BCKDHB: variants seen among roughly 807,000 people sequenced by gnomAD.
The protein encoded by BCKDHB is 2-oxoisovalerate dehydrogenase subunit beta, mitochondrial.
BCKDHB carries 41 observed loss-of-function variants against 48.5 expected under a neutral mutation model. The ratio of observed to expected loss-of-function variants is 0.85; its 90% confidence interval spans 0.66 to 1.10. The LOEUF is 1.10. Among genes scored for constraint, BCKDHB ranks in the 50% least tolerant of loss-of-function variants. BCKDHB has a pLI of 0.00. For missense variants in BCKDHB, 496 were observed against 494.2 expected (o/e 1.00, Z -0.03); for synonymous variants, 201 against 174.8 (o/e 1.15, Z -1.18).
At chr6:80,427,733 A>C in the BCKDHB span, among the ~76,000 whole-genome samples, 1 of 152,182 alleles carries the variant, frequency 6.6e-6, no homozygotes, top group Admixed American at 6.5e-5. Flanking sequence ...TACATACTAT[A>C]GAATTCTAGG....
chr6:80,213,201 A>G (rs1775018317), intron 8 of BCKDHB, among the ~76,000 whole-genome samples: 1 of 152,228 alleles, frequency 6.6e-6, no homozygotes, highest in African/African-American at 2.4e-5. Flanking sequence ...TATTCTATGA[A>G]TAAATACATT....
At chr6:80,113,884 A>G (rs1562056075) in intron 1 of BCKDHB, among the ~76,000 whole-genome samples, 1 of 152,222 alleles carries the variant, frequency 6.6e-6, no homozygotes, top group Non-Finnish European at 1.5e-5. Flanking sequence ...TTTACACCCT[A>G]TGCAAATGTC....
the BCKDHB span, among the ~76,000 whole-genome samples, chr6:80,397,733 T>C: frequency 6.6e-6 from 1 of 152,020 alleles, no homozygotes; most frequent in East Asian, 1.9e-4. Context: ...AATACAAAAA[T>C]TAGCCAGGCA....
the BCKDHB span, chr6:80,355,556 T>G: frequency 7.2e-5 from 11 of 152,244 alleles, no homozygotes; most frequent in African/African-American, 2.6e-4. Flanking sequence ...CCCTCCCTCC[T>G]AGCATAAAAA....
chr6:80,334,852 T>C (rs1769493249), intron 9 of BCKDHB, among the ~76,000 whole-genome samples: 1 of 151,930 alleles, frequency 6.6e-6, no homozygotes, highest in South Asian at 2.1e-4. Flanking sequence ...AAGATTACAA[T>C]TTGTAAAATA....
intron 9 of BCKDHB, among the ~76,000 whole-genome samples, chr6:80,319,484 ACAT>A (rs913610640): frequency 6.6e-6 from 1 of 152,212 alleles, no homozygotes; most frequent in African/African-American, 2.4e-5. Context: ...CACTTTTCTG[ACAT>A]CATCATATGA....
At chr6:80,458,477 G>A in the BCKDHB span, among the ~76,000 whole-genome samples, 8 of 152,294 alleles carry the variant, frequency 5.3e-5, no homozygotes, top group Non-Finnish European at 1.2e-4. Context: ...CAGTGTGTAT[G>A]GTGGTTTAGA....
chr6:80,159,892 A>G (rs1229891003), intron 3 of BCKDHB, among the ~76,000 whole-genome samples: 3 of 152,216 alleles, frequency 2.0e-5, no homozygotes, highest in East Asian at 3.8e-4. Context: ...ATTCCGACCT[A>G]TTCAAATCTA....
At chr6:80,164,263 AG>A (rs1772464671) in intron 3 of BCKDHB, among the ~76,000 whole-genome samples, 1 of 151,188 alleles carries the variant, frequency 6.6e-6, no homozygotes, top group Non-Finnish European at 1.5e-5. Context: ...ACTCTAGACC[AG>A]GCAATCTGGA....
At chr6:80,364,397 G>T in the BCKDHB span, among the ~76,000 whole-genome samples, 2 of 152,154 alleles carry the variant, frequency 1.3e-5, no homozygotes, top group South Asian at 4.1e-4. Context: ...AGGGCATTTG[G>T]CCGGGAGGGA....
In BCKDHB at chr6:80,344,779, T is replaced by A. The variant is rs1004231256; in HGVS notation, c.*975T>A. On this transcript the variant is annotated 3_prime_UTR_variant, in exon 10 of 10. Transcript: ENST00000320393. ...CCATTGTTTCAACTTCAACCTTTAT[T>A]TTTGTATATATTTTTTCAGCTACTT... 2.6e-5 allele frequency: 4 copies of A among 152,212 alleles called. No individual in the cohort carries two copies. The highest frequency in any genetic ancestry group is 5.9e-5 in the Non-Finnish European group (4 of 68,034). The allele number at this position is 152,212 out of a possible 1,614,324, so 9.4% of individuals were successfully genotyped here.
chr6:80,238,893 T>C (rs1233657541), intron 8 of BCKDHB, among the ~76,000 whole-genome samples: 2 of 152,158 alleles, frequency 1.3e-5, no homozygotes, highest in Non-Finnish European at 2.9e-5. Flanking sequence ...GAATGATGGT[T>C]TCCAGCTTCA....
At chr6:80,265,105 G>A (rs1458211033) in intron 8 of BCKDHB, among the ~76,000 whole-genome samples, 2 of 152,204 alleles carry the variant, frequency 1.3e-5, no homozygotes, top group East Asian at 3.9e-4. Flanking sequence ...TGCACTGTTG[G>A]TGGGAATGTA....
chr6:80,123,872 G>T (rs28847358), intron 1 of BCKDHB, among the ~76,000 whole-genome samples: 1,785 of 152,018 alleles, frequency 0.012, 32 homozygotes, highest in African/African-American at 0.041. Context: ...TTTTTGAACG[G>T]TTTTTTTGTC....
At chr6:80,434,656 G>C in the BCKDHB span, among the ~76,000 whole-genome samples, 1 of 151,910 alleles carries the variant, frequency 6.6e-6, no homozygotes, top group East Asian at 1.9e-4. Flanking sequence ...TTCTTTTTCA[G>C]CTTTCTTAGG....
chr6:80,296,375 C>A (rs572083628), intron 9 of BCKDHB, among the ~76,000 whole-genome samples: 1 of 152,026 alleles, frequency 6.6e-6, no homozygotes, highest in Non-Finnish European at 1.5e-5. Context: ...TTTTATGTAG[C>A]CATTATAATT....
At chr6:80,314,403 G>A (rs1289909532) in intron 9 of BCKDHB, among the ~76,000 whole-genome samples, 2 of 152,186 alleles carry the variant, frequency 1.3e-5, no homozygotes, top group African/African-American at 4.8e-5. Flanking sequence ...GGCTGCCCAA[G>A]GTCCACAGGC....
At chr6:80,129,137 T>C (rs749557468) in intron 2 of BCKDHB, 24 bp from the exon 3 acceptor site, 4 of 1,506,790 alleles carry the variant, frequency 2.7e-6, no homozygotes, top group Non-Finnish European at 3.7e-6. Flanking sequence ...AAATAAAATG[T>C]ATTATTTAAA....
At chr6:80,114,771 C>G (rs1769597043) in intron 1 of BCKDHB, among the ~76,000 whole-genome samples, 2 of 152,196 alleles carry the variant, frequency 1.3e-5, no homozygotes, top group Non-Finnish European at 2.9e-5. Context: ...AAGTGGAGAA[C>G]TGATGACTGT....
Sources: allele counts gnomAD v4.1 joint callset (sites outside exome capture counted in the v4.1 genomes callset), GRCh38; gene constraint gnomAD v4.1.1; transcripts MANE v1.5; gene names NCBI Gene and HGNC (gene_info 2026-07-23, HGNC 2026-07-21).